ACR: variants seen among roughly 807,000 people sequenced by gnomAD.
ACR encodes the protein acrosin.
A neutral mutation model predicts 26.0 loss-of-function variants in ACR; 17 were observed. That is an observed-to-expected ratio of 0.65 (90% CI 0.45 to 0.98). ACR has a LOEUF of 0.98. Among genes scored for constraint, ACR ranks in the 50% least tolerant of loss-of-function variants. The pLI, the probability that ACR is intolerant of heterozygous loss-of-function variation, is 0.00. For missense variants in ACR, 435 were observed against 519.3 expected (o/e 0.84, Z 1.58); for synonymous variants, 199 against 207.7 (o/e 0.96, Z 0.36).
chr22:50,743,931 T>A, intron 3 of ACR, 130 bp from the exon 4 acceptor site: 1 of 763,122 alleles, frequency 1.3e-6, no homozygotes. Context: ...TAAGGAGGGG[T>A]CGGGGCATCG....
At position 50,739,649 on chromosome 22, in the gene ACR, C is replaced by A. The variant is rs200217266; in HGVS notation, c.282-45C>A. On this transcript the variant is annotated intron_variant, in intron 2 of 4. Coordinates refer to ENST00000216139, the MANE Select transcript of ACR (RefSeq NM_001097.3). This position sits in a 1 kb window ranked among gnomAD's most constrained non-coding sequence, Gnocchi z 5.5. ...GGCCCTGAGGGTCGCTGTCACCAGG[C>A]TTTTGTCCAGCCGGTTGTGACCTGG... The A allele has an allele frequency of 5.8e-6, 9 of 1,540,262 alleles. No homozygotes were observed. The East Asian group carries it at 6.8e-5, about 12-fold the overall frequency.
intron 3 of ACR, among the ~76,000 whole-genome samples, chr22:50,741,003 T>C (rs1268170156): frequency 6.6e-6 from 1 of 152,212 alleles, no homozygotes; most frequent in Non-Finnish European, 1.5e-5. Context: ...CAAGACCCAG[T>C]AGGACTTGAT....
intron 3 of ACR, 53 bp from the exon 4 acceptor site, chr22:50,744,008 G>A (rs1283788077): frequency 7.6e-7 from 1 of 1,317,036 alleles, no homozygotes; most frequent in African/African-American, 1.5e-5. Context: ...AAGGAGGCAG[G>A]GCTTTTGTCC....
intron 3 of ACR, among the ~76,000 whole-genome samples, chr22:50,742,271 G>A (rs981676156): frequency 3.9e-5 from 6 of 152,108 alleles, no homozygotes; most frequent in African/African-American, 1.4e-4. Context: ...TTGGCCGGGC[G>A]CGGTGGCTCA....
At chr22:50,743,709 A>C (rs1032900658) in intron 3 of ACR, among the ~76,000 whole-genome samples, 1 of 152,164 alleles carries the variant, frequency 6.6e-6, no homozygotes, top group African/African-American at 2.4e-5. Flanking sequence ...TAACGGGACC[A>C]TGTGACTCAG....
intron 3 of ACR, among the ~76,000 whole-genome samples, chr22:50,743,812 GTCC>G (rs2083437269): frequency 6.6e-6 from 1 of 152,088 alleles, no homozygotes; most frequent in South Asian, 2.1e-4. Context: ...CCATCCACCT[GTCC>G]ACGGGCCTCC....
At chr22:50,742,376 C>G (rs2083428172) in intron 3 of ACR, among the ~76,000 whole-genome samples, 1 of 151,702 alleles carries the variant, frequency 6.6e-6, no homozygotes, top group Non-Finnish European at 1.5e-5. Flanking sequence ...AACCTCATTT[C>G]TACTAAAAAT....
Position 50,739,129 on chromosome 22 carries a change from G to T in ACR, c.78-142G>T. 1 of 708,598 alleles carries T rather than the reference G, an allele frequency of 1.4e-6. No homozygotes were observed. Among genetic ancestry groups the T allele is most frequent in the Non-Finnish European group, 2.4e-6 (1 of 418,440 alleles). The allele number at this position is 708,598 out of a possible 1,614,324, so 43.9% of individuals were successfully genotyped here. A position where few individuals can be genotyped will look rare whatever the true frequency, so the allele number is the denominator to read the frequency against. ...TAGAGCCTGCGGCTTCCTACATAGC[G>T]CAGGCTGCCCCTGCTTTCCCAGAAC... On this transcript the variant is annotated intron_variant, in intron 1 of 4. Transcript: ENST00000216139. The surrounding 1 kb of genome is among the most constrained non-coding windows in gnomAD (Gnocchi z 5.5).
Position 50,739,757 on chromosome 22 carries a change from A to C in ACR, c.345A>C (p.Pro115=), listed in dbSNP as rs1359894533. ...AKEITYGNNK[P]VKAPLQERYV... is the part of the protein sequence containing the mutation. Reference sequence around the variant, plus strand: ...AAATTACATATGGGAACAATAAACCAGTAAAGGCGCCTCTGCAAGAGAGAT... The same window carrying C: ...AAATTACATATGGGAACAATAAACCCGTAAAGGCGCCTCTGCAAGAGAGAT... The change falls in exon 3 of 5, where the codon CCA becomes CCC. Residue 115 remains proline, a synonymous_variant. Transcript: ENST00000216139. This position sits in a 1 kb window ranked among gnomAD's most constrained non-coding sequence, Gnocchi z 5.5. 1 of 1,576,978 alleles carries C rather than the reference A, an allele frequency of 6.3e-7. No individual in the cohort carries two copies. Among genetic ancestry groups the C allele is most frequent in the East Asian group, 2.2e-5 (1 of 44,602 alleles).
At chr22:50,740,476 T>A in intron 3 of ACR, 1 of 638,290 alleles carries the variant, frequency 1.6e-6, no homozygotes, top group Non-Finnish European at 2.8e-6. Context: ...GCTGTCTTTG[T>A]CACCATCAGC....
In ACR at chr22:50,744,913, T is replaced by C. The variant is rs1286864060; in HGVS notation, c.972T>C (p.Leu324=). 1.3e-6 allele frequency: 2 copies of C among 1,563,448 alleles called. No individual in the cohort carries two copies. Among genetic ancestry groups the C allele is most frequent in the South Asian group, 2.3e-5 (2 of 88,418 alleles). The stretch of plus-strand genomic sequence containing the variant: ...TCTCCCACCCTATCTCTGCTCACCT[T>C]CCTTGGTATTTCCAACCGCCCCCTC... The part of the protein sequence containing the change: ...PPFSHPISAH[L]PWYFQPPPRP... The change falls in exon 5 of 5, where the codon CTT becomes CTC. Residue 324 remains leucine, a synonymous_variant. Coordinates refer to ENST00000216139, the MANE Select transcript of ACR (RefSeq NM_001097.3).
Position 50,739,557 on chromosome 22 carries a change from C to T in ACR, c.281+83C>T. The T allele has an allele frequency of 1.3e-6, 2 of 1,582,254 alleles. No homozygotes were observed. Among genetic ancestry groups the T allele is most frequent in the Non-Finnish European group, 1.7e-6 (2 of 1,157,852 alleles). ...GTTCCCCGGGGATGCTGTGCAGCGTCTCCCTGGGGCTCTGGGCCAAGTGGC... is the reference window on the plus strand; with the variant it reads ...GTTCCCCGGGGATGCTGTGCAGCGTTTCCCTGGGGCTCTGGGCCAAGTGGC... On this transcript the variant is annotated intron_variant, in intron 2 of 4. Transcript: ENST00000216139. The surrounding 1 kb of genome is among the most constrained non-coding windows in gnomAD (Gnocchi z 5.5).
In ACR at chr22:50,739,936, A is replaced by G. The variant is rs2083417106; in HGVS notation, c.524A>G (p.Gln175Arg). 1.2e-6 allele frequency: 2 copies of G among 1,613,816 alleles called. No individual in the cohort carries two copies. The highest frequency in any genetic ancestry group is 2.7e-5 in the African/African-American group (2 of 74,912). ...AAGGCAGGCCTCCCCAGAGGCTCCCAGAGCTGCTGGGTGGCCGGCTGGGGA... is the reference window on the plus strand; with the variant it reads ...AAGGCAGGCCTCCCCAGAGGCTCCCGGAGCTGCTGGGTGGCCGGCTGGGGA... The part of the protein sequence containing the change: ...HFKAGLPRGS[Q>R]SCWVAGWGYI... The change falls in exon 3 of 5, where the codon CAG (glutamine) becomes CGG (arginine). Residue 175 changes from glutamine to arginine, a missense_variant. Coordinates refer to ENST00000216139, the MANE Select transcript of ACR (RefSeq NM_001097.3). This position sits in a 1 kb window ranked among gnomAD's most constrained non-coding sequence, Gnocchi z 5.5.
At chr22:50,743,227 G>A (rs1177294595) in intron 3 of ACR, among the ~76,000 whole-genome samples, 1 of 151,988 alleles carries the variant, frequency 6.6e-6, no homozygotes, top group African/African-American at 2.4e-5. Flanking sequence ...AGTAGAGACG[G>A]GGTTTCACCG....
chr22:50,745,122 T>C lies in ACR; in HGVS notation c.1181T>C (p.Val394Ala). The change falls in exon 5 of 5, where the codon GTC (valine) becomes GCC (alanine). Residue 394 changes from valine to alanine, a missense_variant. This residue lies in a region of ACR where 92 missense variants were observed against 87.8 expected (regional missense o/e 1.05). Transcript: ENST00000216139. ...FAKRLQQLIE[V>A]LKGKTYSDGK... ...AAGCGCCTACAGCAGCTCATAGAGG[T>C]CTTGAAGGGGAAGACCTATTCCGAC... 1 of 790,716 alleles carries C rather than the reference T, an allele frequency of 1.3e-6. No individual in the cohort carries two copies. Among genetic ancestry groups the C allele is most frequent in the African/African-American group, 2.4e-5 (1 of 42,394 alleles). 49.0% of individuals were successfully genotyped at this position (790,716 alleles called of 1,614,324 possible).
In ACR at chr22:50,744,140, C is replaced by A. The variant is rs2083438769; in HGVS notation, c.645C>A (p.Tyr215Ter). ...DLDLCNSTQW[Y>*]NGRVQPTNVC... is the part of the protein sequence containing the mutation. ...ACTTGTGTAACTCGACCCAGTGGTA[C>A]AATGGGCGCGTTCAGCCAACCAATG... Residue 215 changes from tyrosine (Y) to a stop codon, truncating the protein, a stop_gained, in exon 4 of 5, where the codon TAC (tyrosine) becomes TAA (stop). Coordinates refer to ENST00000216139, the MANE Select transcript of ACR (RefSeq NM_001097.3). LOFTEE classifies it high-confidence loss of function. The A allele has an allele frequency of 1.2e-6, 2 of 1,613,806 alleles. No homozygotes were observed. Among genetic ancestry groups the A allele is most frequent in the African/African-American group, 1.3e-5 (1 of 74,886 alleles).
intron 3 of ACR, chr22:50,740,597 G>C (rs753863297): frequency 2.8e-6 from 2 of 702,522 alleles, no homozygotes; most frequent in Non-Finnish European, 5.2e-6. Flanking sequence ...CTTTCTGTGG[G>C]TCATAGGCAT....
chr22:50,742,200 T>A (rs1369690830), intron 3 of ACR, among the ~76,000 whole-genome samples: 1 of 152,132 alleles, frequency 6.6e-6, no homozygotes, highest in Non-Finnish European at 1.5e-5. Context: ...CACCTGGCTC[T>A]TCACAATAAA....
In ACR at chr22:50,738,472, C is replaced by T. The variant is rs561360072; in HGVS notation, c.77+160C>T. Among the ~76,000 whole-genome samples the T allele has an allele frequency of 9.3e-5, 14 of 149,922 alleles. 1 individual carries two copies. The South Asian group carries it at 1.5e-3, about 16-fold the overall frequency. ...CTGGAGCCCCCAGACCCTCAGCTTT[C>T]GTGGTTTCCTCCAGAGATGGACCCC... On this transcript the variant is annotated intron_variant, in intron 1 of 4. Coordinates refer to ENST00000216139, the MANE Select transcript of ACR (RefSeq NM_001097.3).
Sources: allele counts gnomAD v4.1 joint callset (sites outside exome capture counted in the v4.1 genomes callset), GRCh38; gene constraint gnomAD v4.1.1; regional missense constraint gnomAD v4.1.1; non-coding constraint Gnocchi (gnomAD v3.1); transcripts MANE v1.5; gene names NCBI Gene and HGNC (gene_info 2026-07-23, HGNC 2026-07-21).